The following DNER variants were observed in gnomAD, a reference collection of about 807,000 sequenced individuals.
The protein encoded by DNER is delta/notch like EGF repeat containing.
Under a neutral mutation model 78.2 loss-of-function variants are expected in DNER, and 33 were observed. The observed-to-expected ratio is 0.42, with a 90% CI of 0.32 to 0.56. DNER has a LOEUF of 0.56. Among genes scored for constraint, DNER ranks in the 20% least tolerant of loss-of-function variants. The pLI is 0.11. For missense variants in DNER, 918 were observed against 975.3 expected, an observed-to-expected ratio of 0.94 and a Z score of 0.78; for synonymous variants, 417 against 384.8, an observed-to-expected ratio of 1.08 and a Z score of -0.98.
At chr2:229,481,786 G>A (rs1224757793) in intron 6 of DNER, among the ~76,000 whole-genome samples, 4 of 152,204 alleles carry the variant, frequency 2.6e-5, no homozygotes, top group Non-Finnish European at 5.9e-5. Context: ...GACACCCAGA[G>A]GACCTCGTAG....
chr2:229,536,336 G>A (rs1696405237), intron 5 of DNER, among the ~76,000 whole-genome samples: 1 of 152,170 alleles, frequency 6.6e-6, no homozygotes. Context: ...CCCTGGTTTG[G>A]TTGGGGCTTA....
intron 1 of DNER, among the ~76,000 whole-genome samples, chr2:229,675,088 G>A (rs1275318877): frequency 2.0e-5 from 3 of 152,226 alleles, no homozygotes; most frequent in Non-Finnish European, 4.4e-5. Context: ...ACATGTGCAT[G>A]TCTATACTGG....
chr2:229,623,715 G>C (rs149764446), intron 1 of DNER, among the ~76,000 whole-genome samples: 2 of 152,208 alleles, frequency 1.3e-5, no homozygotes, highest in Non-Finnish European at 2.9e-5. Context: ...TCATTGGAGT[G>C]AGCACTGTTG....
At chr2:229,536,204 T>C (rs1696401202) in intron 5 of DNER, among the ~76,000 whole-genome samples, 2 of 152,178 alleles carry the variant, frequency 1.3e-5, no homozygotes, top group African/African-American at 4.8e-5. Flanking sequence ...TGAGGAAGGC[T>C]GAGGAGGTTG....
At chr2:229,393,747 T>C (rs1693069811) in intron 10 of DNER, among the ~76,000 whole-genome samples, 1 of 151,992 alleles carries the variant, frequency 6.6e-6, no homozygotes. Flanking sequence ...CTTAGGAGGC[T>C]GAGGCAGGAG....
intron 1 of DNER, among the ~76,000 whole-genome samples, chr2:229,674,959 A>G (rs2154216930): frequency 6.6e-6 from 1 of 152,322 alleles, no homozygotes; most frequent in Middle Eastern, 3.4e-3. Context: ...CTACCTAAGC[A>G]AGGACATTCG....
At chr2:229,632,670 A>G (rs1179938017) in intron 1 of DNER, among the ~76,000 whole-genome samples, 1 of 152,230 alleles carries the variant, frequency 6.6e-6, no homozygotes, top group African/African-American at 2.4e-5. Flanking sequence ...AAGCAGTACT[A>G]TTTAGACTGC....
intron 4 of DNER, among the ~76,000 whole-genome samples, chr2:229,574,651 A>G (rs1249392299): frequency 1.3e-5 from 2 of 152,218 alleles, no homozygotes; most frequent in African/African-American, 2.4e-5. Context: ...TCTTTCTTGT[A>G]TATATTAATT....
intron 1 of DNER, among the ~76,000 whole-genome samples, chr2:229,644,675 A>T (rs1698684378): frequency 6.6e-6 from 1 of 152,108 alleles, no homozygotes; most frequent in South Asian, 2.1e-4. Flanking sequence ...TCCCAAACTC[A>T]AGGGTCACCT....
chr2:229,526,813 G>C (rs1437328658), intron 5 of DNER, among the ~76,000 whole-genome samples: 2 of 152,158 alleles, frequency 1.3e-5, no homozygotes, highest in African/African-American at 2.4e-5. Flanking sequence ...GTCCCCATCT[G>C]ATGATGGGGA....
At chr2:229,415,516 T>A (rs111842989) in intron 9 of DNER, among the ~76,000 whole-genome samples, 3 of 152,200 alleles carry the variant, frequency 2.0e-5, no homozygotes, top group Non-Finnish European at 4.4e-5. Context: ...GCGGATCTAC[T>A]TTTTTCAAGA....
Position 229,631,047 on chromosome 2 carries a change from C to T in DNER, c.277-39159G>A, listed in dbSNP as rs114005294. Among the ~76,000 whole-genome samples, 1,232 of 152,294 alleles carry T rather than the reference C, an allele frequency of 8.1e-3. 14 individuals are homozygous for T. The highest frequency in any genetic ancestry group is 0.028 in the African/African-American group (1,164 of 41,558). On this transcript the variant is annotated intron_variant, in intron 1 of 12. Coordinates refer to ENST00000341772, the MANE Select transcript of DNER (RefSeq NM_139072.4). ...CTTTATCCAATCCACCACTGATGGG[C>T]ACCTGGGTTGATTGCATGTCTTTGC...
chr2:229,508,887 AAAAGAAAAG>A (rs750467631), intron 6 of DNER, among the ~76,000 whole-genome samples: 5 of 71,908 alleles, frequency 7.0e-5, no homozygotes, highest in East Asian at 3.7e-4. Context: ...TCTCAAAAAG[AAAAGAAAAG>A]AAAAGAAAAG....
At chr2:229,588,615 G>A in intron 2 of DNER, 127 bp from the exon 3 acceptor site, 1 of 718,276 alleles carries the variant, frequency 1.4e-6, no homozygotes, top group East Asian at 2.7e-5. Context: ...GGCTAGAGAG[G>A]AGATGAAGAA....
chr2:229,399,629 A>G (rs1269639177), intron 10 of DNER, among the ~76,000 whole-genome samples: 2 of 152,088 alleles, frequency 1.3e-5, no homozygotes, highest in African/African-American at 4.8e-5. Flanking sequence ...CCCAATTTCA[A>G]TAGTTATTAT....
In DNER at chr2:229,461,769, T is replaced by C. The variant is rs1410572365; in HGVS notation, c.1262-14229A>G. On this transcript the variant is annotated intron_variant, in intron 7 of 12. Transcript: ENST00000341772. Reference sequence around the variant, plus strand: ...CTATTTGGTGATGGTAGCCAAAAAGTGCAAGCAGAAAGATGAACATAGTGA... The same window carrying C: ...CTATTTGGTGATGGTAGCCAAAAAGCGCAAGCAGAAAGATGAACATAGTGA... Among the ~76,000 whole-genome samples the C allele has an allele frequency of 4.6e-5, 7 of 152,078 alleles. No homozygotes were observed. In the South Asian group the frequency reaches 1.5e-3, roughly 32 times the overall value.
intron 1 of DNER, among the ~76,000 whole-genome samples, chr2:229,615,677 A>G (rs997487314): frequency 1.3e-5 from 2 of 152,092 alleles, no homozygotes; most frequent in African/African-American, 2.4e-5. Context: ...GTGCCACTGC[A>G]CTCTAGCCTG....
At chr2:229,586,752 T>C in intron 3 of DNER, 1 of 985,800 alleles carries the variant, frequency 1.0e-6, no homozygotes. Context: ...ACATATTACC[T>C]CTTCCCAGAG....
At chr2:229,710,981 G>A (rs867686451) in intron 1 of DNER, among the ~76,000 whole-genome samples, 205 of 80,698 alleles carry the variant, frequency 2.5e-3, no homozygotes, top group African/African-American at 0.012. Flanking sequence ...ATGCATACAC[G>A]CGCACACACA....
Sources: gnomAD v4.1 joint callset for allele counts (sites outside exome capture counted in the v4.1 genomes callset) on GRCh38, gnomAD v4.1.1 for gene constraint, MANE v1.5 for transcripts, NCBI Gene and HGNC (gene_info 2026-07-23, HGNC 2026-07-21) for gene names.